TFEC: variants seen among roughly 807,000 people sequenced by gnomAD.
TFEC encodes the protein transcription factor EC, also known as class E basic helix-loop-helix protein 34.
In TFEC, 31 loss-of-function variants were observed where a neutral mutation model predicts 41.6. That is an observed-to-expected ratio of 0.74 (90% confidence interval 0.56 to 1.01). The LOEUF (loss-of-function observed/expected upper bound fraction) is 1.01. Ranked by LOEUF, TFEC falls within the 50% of genes least tolerant of loss-of-function variation. The pLI, the probability that TFEC is intolerant of heterozygous loss-of-function variation, is 0.00. For missense variants in TFEC, 402 were observed against 404.1 expected (o/e 0.99, Z 0.04); for synonymous variants, 143 against 140.6 (o/e 1.02, Z -0.12).
intron 3 of TFEC, among the ~76,000 whole-genome samples, chr7:115,966,665 T>C (rs1047592676): frequency 5.3e-5 from 8 of 151,826 alleles, no homozygotes; most frequent in African/African-American, 1.7e-4. Flanking sequence ...TTCTTTATTA[T>C]CTACCCTATA....
chr7:116,006,668 A>G lies in TFEC; in HGVS notation c.-72-22155T>C, dbSNP rs566018349. 2.4e-4 allele frequency among the ~76,000 whole-genome samples: 37 copies of G among 152,312 alleles called. 1 individual carries two copies. The highest frequency in any genetic ancestry group is 4.6e-4 in the Non-Finnish European group (31 of 68,022). On this transcript the variant is annotated intron_variant, in intron 1 of 7. Coordinates refer to ENST00000265440, the MANE Select transcript of TFEC (RefSeq NM_012252.4). ...TTTGAGTTAATGCTGAAATGGGTTAAGACTTTGGGGGACTGTTGGAAAGTC... is the reference window on the plus strand; with the variant it reads ...TTTGAGTTAATGCTGAAATGGGTTAGGACTTTGGGGGACTGTTGGAAAGTC...
chr7:116,155,616 C>T (rs1231590835), intron 1 of TFEC, among the ~76,000 whole-genome samples: 2 of 152,138 alleles, frequency 1.3e-5, no homozygotes, highest in Non-Finnish European at 2.9e-5. Context: ...GGAGAAATGT[C>T]CAGCTGTGAA....
intron 2 of TFEC, among the ~76,000 whole-genome samples, chr7:115,977,796 A>C (rs1262657049): frequency 1.3e-5 from 2 of 152,042 alleles, no homozygotes; most frequent in African/African-American, 2.4e-5. Flanking sequence ...AAATTCTATA[A>C]ATATCAATTC....
chr7:116,066,663 C>G (rs1004184392), intron 3 of TFEC, among the ~76,000 whole-genome samples: 1 of 151,924 alleles, frequency 6.6e-6, no homozygotes, highest in Non-Finnish European at 1.5e-5. Flanking sequence ...GCAATTTAAC[C>G]AAGTTGTAAT....
chr7:115,994,902 G>T (rs575901894), intron 1 of TFEC, among the ~76,000 whole-genome samples: 1 of 152,228 alleles, frequency 6.6e-6, no homozygotes, highest in East Asian at 1.9e-4. Context: ...GCACACGTAT[G>T]TTTATTGCGG....
chr7:115,974,341 A>G (rs989475839), intron 2 of TFEC, 85 bp from the exon 3 acceptor site: 11 of 1,018,566 alleles, frequency 1.1e-5, no homozygotes, highest in Admixed American at 3.6e-5. Flanking sequence ...AAATTCTAGC[A>G]ATCTTTAAAA....
At chr7:116,119,250 C>T (rs1798057321) in intron 1 of TFEC, among the ~76,000 whole-genome samples, 1 of 151,776 alleles carries the variant, frequency 6.6e-6, no homozygotes, top group Non-Finnish European at 1.5e-5. Flanking sequence ...GTATATTTAA[C>T]CCAGACACAT....
intron 3 of TFEC, among the ~76,000 whole-genome samples, chr7:115,958,886 T>C (rs1792379868): frequency 6.6e-6 from 1 of 151,850 alleles, no homozygotes; most frequent in African/African-American, 2.4e-5. Context: ...TTTCAAAGTG[T>C]GTAATACACT....
intron 1 of TFEC, among the ~76,000 whole-genome samples, chr7:116,001,848 C>G (rs1265527693): frequency 6.6e-6 from 1 of 152,072 alleles, no homozygotes; most frequent in Non-Finnish European, 1.5e-5. Context: ...TCCAAATAGA[C>G]ATTTCTCAAA....
intron 3 of TFEC, among the ~76,000 whole-genome samples, chr7:115,969,459 G>A (rs1793031266): frequency 6.6e-6 from 1 of 151,804 alleles, no homozygotes; most frequent in Non-Finnish European, 1.5e-5. Flanking sequence ...ATCATAAAGA[G>A]GTAACCATGC....
At chr7:116,156,357 G>A (rs564940382) in intron 1 of TFEC, among the ~76,000 whole-genome samples, 44 of 152,250 alleles carry the variant, frequency 2.9e-4, no homozygotes, top group African/African-American at 7.9e-4. Flanking sequence ...TATCATGGGT[G>A]TCAAATAGAT....
chr7:116,036,469 T>C (rs911798333), intron 3 of TFEC, among the ~76,000 whole-genome samples: 2 of 152,080 alleles, frequency 1.3e-5, no homozygotes, highest in Non-Finnish European at 2.9e-5. Flanking sequence ...TGAAATGATA[T>C]AGGGGATATG....
intron 1 of TFEC, among the ~76,000 whole-genome samples, chr7:116,130,107 T>G (rs879044983): frequency 1.3e-5 from 2 of 150,170 alleles, no homozygotes; most frequent in Non-Finnish European, 3.0e-5. Context: ...AAACTTATTT[T>G]TGTTCACTTT....
At chr7:116,086,288 T>C (rs932300637) in intron 3 of TFEC, among the ~76,000 whole-genome samples, 1 of 151,876 alleles carries the variant, frequency 6.6e-6, no homozygotes, top group Non-Finnish European at 1.5e-5. Context: ...AAACTAAATA[T>C]TCATCCCTGT....
At chr7:115,966,522 A>G (rs950145179) in intron 3 of TFEC, among the ~76,000 whole-genome samples, 3 of 151,758 alleles carry the variant, frequency 2.0e-5, no homozygotes, top group African/African-American at 7.2e-5. Context: ...CAACTCTAGT[A>G]TTATAATTGT....
chr7:116,025,501 A>G lies in TFEC; in HGVS notation c.-73+5132T>C, dbSNP rs4143101. Among the ~76,000 whole-genome samples the G allele has an allele frequency of 7.9e-5, 12 of 152,226 alleles. No homozygotes were observed. The East Asian group carries it at 2.1e-3, about 27-fold the overall frequency. Reference sequence around the variant, plus strand: ...TACAAGAGACCTAGATTTAAGCACCACCAGACACTTCAACCTTCACCCTCA... The same window carrying G: ...TACAAGAGACCTAGATTTAAGCACCGCCAGACACTTCAACCTTCACCCTCA... On this transcript the variant is annotated intron_variant, in intron 1 of 7. Coordinates refer to ENST00000265440, the MANE Select transcript of TFEC (RefSeq NM_012252.4).
At chr7:116,157,172 A>G (rs1339108381) in intron 1 of TFEC, 2 of 152,118 alleles carry the variant, frequency 1.3e-5, no homozygotes, top group Non-Finnish European at 2.9e-5. Flanking sequence ...ATGCTTTGAT[A>G]CTTTCACATG....
intron 1 of TFEC, among the ~76,000 whole-genome samples, chr7:116,136,797 G>A (rs369852503): frequency 6.6e-6 from 1 of 151,888 alleles, no homozygotes; most frequent in African/African-American, 2.4e-5. Context: ...CATTTATGAT[G>A]ATATTATCAG....
rs1230143482 is a variant in TFEC at position 115,938,097 on chromosome 7, C to T, written c.*2454G>A. The T allele has an allele frequency of 6.6e-6, 1 of 151,842 alleles. No homozygotes were observed. The highest frequency in any genetic ancestry group is 2.4e-5 in the African/African-American group (1 of 41,376). The allele number at this position is 151,842 out of a possible 1,614,324, so 9.4% of individuals were successfully genotyped here. A position where few individuals can be genotyped will look rare whatever the true frequency, so the allele number is the denominator to read the frequency against. On this transcript the variant is annotated 3_prime_UTR_variant, in exon 8 of 8. Transcript: ENST00000265440. ...AGTTCCCTCTCCAGATCTCTTGTGT[C>T]CAGGCTCTATCATCCTGTGCCAAGT... is the stretch of plus-strand genomic sequence containing the variant.
Sources: gnomAD v4.1 joint callset for allele counts (sites outside exome capture counted in the v4.1 genomes callset) on GRCh38, gnomAD v4.1.1 for gene constraint, MANE v1.5 for transcripts, NCBI Gene and HGNC (gene_info 2026-07-23, HGNC 2026-07-21) for gene names.